Variants in SH3GLB2 observed in about 807,000 individuals in gnomAD.
The protein encoded by SH3GLB2 is endophilin-B2.
Under a neutral mutation model 48.0 loss-of-function variants are expected in SH3GLB2, and 24 were observed. That is an observed-to-expected ratio of 0.50 (90% CI 0.36 to 0.70). The LOEUF is 0.70. Among genes scored for constraint, SH3GLB2 ranks in the 30% least tolerant of loss-of-function variants. The pLI, the probability that SH3GLB2 is intolerant of heterozygous loss-of-function variation, is 0.00. For missense variants in SH3GLB2, 425 were observed against 516.0 expected, an observed-to-expected ratio of 0.82 and a Z score of 1.71; for synonymous variants, 227 against 207.6, an observed-to-expected ratio of 1.09 and a Z score of -0.80.
rs1453504798 is a variant in SH3GLB2 at position 129,012,238 on chromosome 9, C to T, written c.622G>A (p.Ala208Thr). The T allele has an allele frequency of 1.6e-5, 21 of 1,290,602 alleles. No homozygotes were observed. Among genetic ancestry groups the T allele is most frequent in the Non-Finnish European group, 2.1e-5 (21 of 1,012,048 alleles). 79.9% of individuals were successfully genotyped at this position (1,290,602 alleles called of 1,614,324 possible). ...RNYILSASAS[A>T]LWNDEVDKAE... ...GGGTGGGGGTGGGGTGCGCTTACCGCGGAGGCGCTGGCCGAGAGAATGTAA... is the reference window on the plus strand; with the variant it reads ...GGGTGGGGGTGGGGTGCGCTTACCGTGGAGGCGCTGGCCGAGAGAATGTAA... Residue 208 changes from alanine (A) to threonine (T), a missense_variant and splice_region_variant, in exon 6 of 11, where the codon GCG becomes ACG. By Grantham distance (58) the Ala-to-Thr change is moderately conservative. Coordinates refer to ENST00000372564, the MANE Select transcript of SH3GLB2 (RefSeq NM_020145.4).
rs146694895 is a variant in SH3GLB2 at position 129,009,841 on chromosome 9, C to G, written c.769G>C (p.Val257Leu). Reference protein sequence around the residue: ...VNHLRCLHEFVKSQTTYYAQC... With the variant: ...VNHLRCLHEFLKSQTTYYAQC... The stretch of plus-strand genomic sequence containing the variant: ...GCGTAGTAGGTTGTCTGAGACTTGA[C>G]GAACTCGTGGAGGCAGCGCAGGTGG... Residue 257 changes from valine (V) to leucine (L), a missense_variant, in exon 9 of 11, where the codon GTC becomes CTC. By Grantham distance (32) the Val-to-Leu change is conservative. Transcript: ENST00000372564. The G allele has an allele frequency of 3.7e-6, 6 of 1,614,002 alleles. No homozygotes were observed. The highest frequency in any genetic ancestry group is 3.4e-6 in the Non-Finnish European group (4 of 1,179,956).
chr9:129,023,911 T>TCGTG (rs1843974986), intron 1 of SH3GLB2, among the ~76,000 whole-genome samples: 2 of 151,854 alleles, frequency 1.3e-5, no homozygotes, highest in African/African-American at 2.4e-5. Flanking sequence ...TCAGATTTCC[T>TCGTG]CGTGGCTCTA....
rs1262808053 is a variant in SH3GLB2, at chr9:129,014,404, CA to C, written c.561+6del. The C allele has an allele frequency of 1.9e-6, 3 of 1,549,694 alleles. No homozygotes were observed. The highest frequency in any genetic ancestry group is 2.6e-6 in the Non-Finnish European group (3 of 1,146,948). ...CCAGGAGGCCAGCGGGGAGCGGGGA[CA>C]CCTACCGTGGCTTTGGCTTCTGCAG... On this transcript the variant is annotated splice_donor_region_variant and intron_variant, in intron 5 of 10. Coordinates refer to ENST00000372564, the MANE Select transcript of SH3GLB2 (RefSeq NM_020145.4). The surrounding 1 kb of genome is among the most constrained non-coding windows in gnomAD (Gnocchi z 4.1).
chr9:129,010,517 G>A, intron 7 of SH3GLB2, 153 bp downstream of exon 7: 6 of 849,298 alleles, frequency 7.1e-6, no homozygotes, highest in Non-Finnish European at 1.1e-5. Context: ...TTTCCCCACA[G>A]AGGGGAAACT....
chr9:129,022,459 G>A (rs1843871195), intron 1 of SH3GLB2, 36 bp from the exon 2 acceptor site: 3 of 1,521,254 alleles, frequency 2.0e-6, no homozygotes, highest in South Asian at 1.1e-5. Context: ...TGGGGAGGGG[G>A]AGAGCTCAGA....
rs1338576426 is a variant in SH3GLB2 at position 129,013,992 on chromosome 9, C to G, written c.561+419G>C. The G allele has an allele frequency of 5.2e-5, 24 of 463,734 alleles. No homozygotes were observed. The East Asian group carries it at 1.4e-3, about 28-fold the overall frequency. The allele number at this position is 463,734 out of a possible 1,614,324, so 28.7% of individuals were successfully genotyped here. A position where few individuals can be genotyped will look rare whatever the true frequency, so the allele number is the denominator to read the frequency against. ...CGGGCGGTCCAGCTCCCAGGTTTTCCACACCATCGTGGGGGCGCCTGAGCA... is the reference window on the plus strand; with the variant it reads ...CGGGCGGTCCAGCTCCCAGGTTTTCGACACCATCGTGGGGGCGCCTGAGCA... On this transcript the variant is annotated intron_variant, in intron 5 of 10. Transcript: ENST00000372564.
Position 129,022,026 on chromosome 9 carries a change from C to T in SH3GLB2, c.205+256G>A, listed in dbSNP as rs370082943. Among the ~76,000 whole-genome samples, 10 of 151,900 alleles carry T rather than the reference C, an allele frequency of 6.6e-5. No individual in the cohort carries two copies. In the East Asian group the frequency reaches 7.7e-4, roughly 12 times the overall value. On this transcript the variant is annotated intron_variant, in intron 2 of 10. Coordinates refer to ENST00000372564, the MANE Select transcript of SH3GLB2 (RefSeq NM_020145.4). ...TGTGTTTTGCCTGCCTCTTCTCCCACGTGTGTTTTAGCTTCCAGGCATTTT... is the reference window on the plus strand; with the variant it reads ...TGTGTTTTGCCTGCCTCTTCTCCCATGTGTGTTTTAGCTTCCAGGCATTTT...
Position 129,010,104 on chromosome 9 carries a change from G to A in SH3GLB2, c.738+16C>T, listed in dbSNP as rs774281870. 5.0e-6 allele frequency: 8 copies of A among 1,608,378 alleles called. No individual in the cohort carries two copies. The highest frequency in any genetic ancestry group is 1.7e-5 in the Admixed American group (1 of 60,010). On this transcript the variant is annotated intron_variant, in intron 8 of 10. Coordinates refer to ENST00000372564, the MANE Select transcript of SH3GLB2 (RefSeq NM_020145.4). Reference sequence around the variant, plus strand: ...GCTGAGGGTTAGGTTTAGTGAGGGTGGGCAGTGGGACTCACGTGAGTGCTA... The same window carrying A: ...GCTGAGGGTTAGGTTTAGTGAGGGTAGGCAGTGGGACTCACGTGAGTGCTA...
chr9:129,019,185 A>C (rs2131277752), intron 3 of SH3GLB2, among the ~76,000 whole-genome samples: 1 of 151,644 alleles, frequency 6.6e-6, no homozygotes, highest in South Asian at 2.1e-4. Context: ...TAGGAGTTTG[A>C]GATCAGCCTG....
intron 5 of SH3GLB2, chr9:129,013,057 A>G (rs1843215960): frequency 1.3e-6 from 2 of 1,550,990 alleles, no homozygotes; most frequent in African/African-American, 2.7e-5. Context: ...GAAAGGAACA[A>G]AAACAAAGAG....
chr9:129,022,179 C>A (rs528306350), intron 2 of SH3GLB2, 103 bp downstream of exon 2: 2 of 1,490,880 alleles, frequency 1.3e-6, no homozygotes, highest in Non-Finnish European at 8.9e-7. Flanking sequence ...GCTGAAACCC[C>A]GGCTGCAGCC....
chr9:129,012,315 T>C lies in SH3GLB2; in HGVS notation c.562-17A>G. ...AGGCACCGTCTGGCGGGGAACAGAG[T>C]TCATGTGGGGAGGGGGTCACCCTGG... On this transcript the variant is annotated splice_polypyrimidine_tract_variant and intron_variant, in intron 5 of 10. Coordinates refer to ENST00000372564, the MANE Select transcript of SH3GLB2 (RefSeq NM_020145.4). 1.6e-6 allele frequency: 2 copies of C among 1,287,294 alleles called. No individual in the cohort carries two copies. The highest frequency in any genetic ancestry group is 3.3e-5 in the South Asian group (1 of 30,696). 79.7% of individuals were successfully genotyped at this position (1,287,294 alleles called of 1,614,324 possible). A position where few individuals can be genotyped will look rare whatever the true frequency, so the allele number is the denominator to read the frequency against.
At position 129,007,677 on chromosome 9, in the gene SH3GLB2, A is replaced by G. The variant is rs1027213244; in HGVS notation, c.*1007T>C. ...TGAGGACGGCATGAGAACCCATGGCACGGGGGCACATGCTGGGTGAAACGC... is the reference window on the plus strand; with the variant it reads ...TGAGGACGGCATGAGAACCCATGGCGCGGGGGCACATGCTGGGTGAAACGC... On this transcript the variant is annotated 3_prime_UTR_variant, in exon 11 of 11. Transcript: ENST00000372564. The G allele has an allele frequency of 2.6e-5, 4 of 152,388 alleles. No homozygotes were observed. The Middle Eastern group carries it at 0.01, about 389-fold the overall frequency. 9.4% of individuals were successfully genotyped at this position (152,388 alleles called of 1,614,324 possible).
chr9:129,026,571 G>T (rs958984040), intron 1 of SH3GLB2, among the ~76,000 whole-genome samples: 2 of 151,730 alleles, frequency 1.3e-5, no homozygotes, highest in Admixed American at 6.6e-5. Flanking sequence ...GCTGGGGCCT[G>T]ACTGCTGGCT....
At position 129,022,138 on chromosome 9, in the gene SH3GLB2, C is replaced by G. The variant is rs1002570119; in HGVS notation, c.205+144G>C. The G allele has an allele frequency of 8.7e-6, 11 of 1,259,724 alleles. No individual in the cohort carries two copies. The African/African-American group carries it at 1.7e-4, about 19-fold the overall frequency. 78.0% of individuals were successfully genotyped at this position (1,259,724 alleles called of 1,614,324 possible). A position where few individuals can be genotyped will look rare whatever the true frequency, so the allele number is the denominator to read the frequency against. The stretch of plus-strand genomic sequence containing the variant: ...AGTCCCCCATTTTCTTTTAACTGTC[C>G]CTCTTCAACAGCCTTGAGCCCAAGA... On this transcript the variant is annotated intron_variant, in intron 2 of 10. Coordinates refer to ENST00000372564, the MANE Select transcript of SH3GLB2 (RefSeq NM_020145.4).
Position 129,014,350 on chromosome 9 carries a change from C to T in SH3GLB2, c.561+61G>A. 6.8e-7 allele frequency: 1 copy of T among 1,477,584 alleles called. No individual in the cohort carries two copies. The highest frequency in any genetic ancestry group is 9.2e-7 in the Non-Finnish European group (1 of 1,085,420). The allele number at this position is 1,477,584 out of a possible 1,614,324, so 91.5% of individuals were successfully genotyped here. A position where few individuals can be genotyped will look rare whatever the true frequency, so the allele number is the denominator to read the frequency against. ...CCAAATACCAGGTCCCTTCATGCCA[C>T]CACCCCTTGGCTCCAGCCAGAGCCT... On this transcript the variant is annotated intron_variant, in intron 5 of 10. Transcript: ENST00000372564. The surrounding 1 kb of genome is among the most constrained non-coding windows in gnomAD (Gnocchi z 4.1).
intron 3 of SH3GLB2, among the ~76,000 whole-genome samples, chr9:129,020,440 G>A (rs1415831236): frequency 6.6e-6 from 1 of 151,138 alleles, no homozygotes; most frequent in Non-Finnish European, 1.5e-5. Flanking sequence ...GTGGTGGCGG[G>A]CTCCTGTAGT....
chr9:129,027,652 C>T (rs1017762548), intron 1 of SH3GLB2, among the ~76,000 whole-genome samples: 1 of 152,220 alleles, frequency 6.6e-6, no homozygotes, highest in Non-Finnish European at 1.5e-5. Context: ...TGGCACCAGC[C>T]GCCCATTGCA....
At chr9:129,027,386 G>A (rs922289112) in intron 1 of SH3GLB2, among the ~76,000 whole-genome samples, 1 of 152,084 alleles carries the variant, frequency 6.6e-6, no homozygotes, top group African/African-American at 2.4e-5. Context: ...GTCACAGGAG[G>A]GCACATTCCC....
Sources: allele counts gnomAD v4.1 joint callset (sites outside exome capture counted in the v4.1 genomes callset), GRCh38; gene constraint gnomAD v4.1.1; non-coding constraint Gnocchi (gnomAD v3.1); transcripts MANE v1.5; gene names NCBI Gene and HGNC (gene_info 2026-07-23, HGNC 2026-07-21).